Variants in THSD7B observed in about 807,000 individuals in gnomAD.
THSD7B encodes thrombospondin type 1 domain containing 7B.
THSD7B carries 138 observed loss-of-function variants against 213.6 expected under a neutral mutation model. The observed-to-expected ratio is 0.65, with a 90% confidence interval of 0.56 to 0.74. THSD7B has a LOEUF of 0.74. Ranked by LOEUF, THSD7B falls within the 30% of genes least tolerant of loss-of-function variation. The probability of loss-of-function intolerance (pLI) is 0.00; values close to 1 mark genes in which losing one functional copy is unlikely to be tolerated. For missense variants in THSD7B, 1,931 were observed against 1,991.5 expected, an observed-to-expected ratio of 0.97 and a Z score of 0.58; for synonymous variants, 742 against 687.0, an observed-to-expected ratio of 1.08 and a Z score of -1.25.
chr2:137,366,288 G>A (rs1222151457), intron 12 of THSD7B, among the ~76,000 whole-genome samples: 1 of 151,876 alleles, frequency 6.6e-6, no homozygotes. Flanking sequence ...AATACCTAAT[G>A]TAAATAATGA....
At chr2:137,533,566 A>G (rs1680441712) in intron 15 of THSD7B, among the ~76,000 whole-genome samples, 1 of 151,936 alleles carries the variant, frequency 6.6e-6, no homozygotes, top group Non-Finnish European at 1.5e-5. Context: ...TAGATCTTCC[A>G]TTCTTACATA....
intron 12 of THSD7B, among the ~76,000 whole-genome samples, chr2:137,276,660 C>A (rs1682882767): frequency 6.6e-6 from 1 of 152,030 alleles, no homozygotes; most frequent in African/African-American, 2.4e-5. Context: ...TTTTCTATTT[C>A]ATTCATAATC....
chr2:137,258,943 T>G (rs1682373871), intron 10 of THSD7B, among the ~76,000 whole-genome samples: 2 of 152,142 alleles, frequency 1.3e-5, no homozygotes, highest in South Asian at 4.1e-4. Flanking sequence ...GTGTTTGGTC[T>G]TCTGTTCCTG....
intron 12 of THSD7B, among the ~76,000 whole-genome samples, chr2:137,331,420 C>T (rs1684504031): frequency 6.6e-6 from 1 of 151,432 alleles, no homozygotes; most frequent in Non-Finnish European, 1.5e-5. Flanking sequence ...CTGAGCTAGA[C>T]ACAGGGTGCT....
chr2:137,201,472 T>C (rs1680874202), intron 7 of THSD7B, among the ~76,000 whole-genome samples: 1 of 152,210 alleles, frequency 6.6e-6, no homozygotes, highest in South Asian at 2.1e-4. Context: ...ATTCTACTTT[T>C]ATTTTCTTGA....
At chr2:137,159,794 TAA>T (rs975505774) in intron 5 of THSD7B, among the ~76,000 whole-genome samples, 2 of 152,214 alleles carry the variant, frequency 1.3e-5, no homozygotes, top group Non-Finnish European at 2.9e-5. Context: ...TTGGTTATGC[TAA>T]ACACTCCACC....
At chr2:137,140,145 T>TAC (rs1224763522) in intron 5 of THSD7B, among the ~76,000 whole-genome samples, 4 of 151,926 alleles carry the variant, frequency 2.6e-5, no homozygotes, top group East Asian at 1.9e-4. Flanking sequence ...ATTTAGTGCA[T>TAC]ACACACACAC....
chr2:137,394,948 A>C (rs1205685293), intron 12 of THSD7B, among the ~76,000 whole-genome samples: 1,495 of 147,024 alleles, frequency 0.01, 69 homozygotes, highest in African/African-American at 0.037. Context: ...TTCACTCATG[A>C]TTTGGCTCTC....
chr2:137,379,244 G>A (rs1200394709), intron 12 of THSD7B, among the ~76,000 whole-genome samples: 1 of 152,124 alleles, frequency 6.6e-6, no homozygotes, highest in East Asian at 1.9e-4. Context: ...AACAATAATT[G>A]GAGAATATGT....
chr2:137,059,111 G>T (rs750057347), intron 3 of THSD7B, among the ~76,000 whole-genome samples: 2 of 152,088 alleles, frequency 1.3e-5, no homozygotes, highest in African/African-American at 4.8e-5. Flanking sequence ...CGTGATGAAG[G>T]TTGTCTTCTT....
At chr2:136,849,350 T>TA (rs1458852910) in intron 1 of THSD7B, among the ~76,000 whole-genome samples, 4 of 152,166 alleles carry the variant, frequency 2.6e-5, no homozygotes, top group Non-Finnish European at 4.4e-5. Context: ...TTAAAGGACT[T>TA]ACTAAATAAC....
chr2:137,253,031 A>G (rs1682224479), intron 10 of THSD7B, among the ~76,000 whole-genome samples: 1 of 151,910 alleles, frequency 6.6e-6, no homozygotes, highest in African/African-American at 2.4e-5. Context: ...ATGCAGTAGA[A>G]TAACACCTTC....
intron 5 of THSD7B, among the ~76,000 whole-genome samples, chr2:137,157,998 C>G (rs932371890): frequency 1.3e-5 from 2 of 152,208 alleles, no homozygotes; most frequent in African/African-American, 4.8e-5. Flanking sequence ...CTTAAGCCAT[C>G]CAGCTATGCA....
chr2:137,412,418 T>A (rs1204403495), intron 14 of THSD7B, among the ~76,000 whole-genome samples: 2 of 151,756 alleles, frequency 1.3e-5, no homozygotes, highest in African/African-American at 2.4e-5. Flanking sequence ...CTGACCAACA[T>A]GGAGAAACCC....
intron 1 of THSD7B, among the ~76,000 whole-genome samples, chr2:136,775,353 C>A (rs1263448161): frequency 6.6e-6 from 1 of 152,076 alleles, no homozygotes; most frequent in African/African-American, 2.4e-5. Flanking sequence ...TGGTCTCAAT[C>A]CTTTTCTACT....
chr2:137,193,594 A>G (rs1680701676), intron 7 of THSD7B, among the ~76,000 whole-genome samples: 1 of 152,084 alleles, frequency 6.6e-6, no homozygotes, highest in Admixed American at 6.6e-5. Flanking sequence ...TCTGAAGGAA[A>G]AGAATGGTGG....
intron 17 of THSD7B, among the ~76,000 whole-genome samples, chr2:137,586,520 G>T (rs1054290464): frequency 6.6e-6 from 1 of 152,184 alleles, no homozygotes; most frequent in Admixed American, 6.5e-5. Context: ...AGCTCTTATA[G>T]GGCAGGCTTG....
chr2:136,926,067 A>G (rs1684516354), intron 2 of THSD7B, among the ~76,000 whole-genome samples: 1 of 152,092 alleles, frequency 6.6e-6, no homozygotes, highest in African/African-American at 2.4e-5. Flanking sequence ...TTCTTGATCA[A>G]CTTCACCAAG....
chr2:137,244,849 C>T (rs1681989351), intron 10 of THSD7B, among the ~76,000 whole-genome samples: 2 of 152,070 alleles, frequency 1.3e-5, no homozygotes, highest in South Asian at 4.2e-4. Flanking sequence ...GGGTTAATTA[C>T]AGGACACTAT....
Sources: gnomAD v4.1 joint callset for allele counts (sites outside exome capture counted in the v4.1 genomes callset) on GRCh38, gnomAD v4.1.1 for gene constraint, MANE v1.5 for transcripts, NCBI Gene and HGNC (gene_info 2026-07-23, HGNC 2026-07-21) for gene names.